The following ANKS1B variants were observed in gnomAD, a reference collection of about 807,000 sequenced individuals.
ANKS1B encodes the protein ankyrin repeat and sterile alpha motif domain-containing protein 1B.
ANKS1B carries 36 observed loss-of-function variants against 148.3 expected under a neutral mutation model. That is an observed-to-expected ratio of 0.24 (90% CI 0.19 to 0.32). The LOEUF is 0.32. Ranked by LOEUF, ANKS1B falls within the 10% of genes least tolerant of loss-of-function variation. ANKS1B has a pLI of 1.00. For missense variants in ANKS1B, 1,157 were observed against 1,542.6 expected (o/e 0.75, Z 4.19); for synonymous variants, 542 against 560.8 (o/e 0.97, Z 0.47).
At chr12:98,947,650 C>T (rs1424102475) in intron 17 of ANKS1B, among the ~76,000 whole-genome samples, 1 of 152,202 alleles carries the variant, frequency 6.6e-6, no homozygotes, top group African/African-American at 2.4e-5. Context: ...TCACATCCCC[C>T]TACTTAAAAT....
intron 1 of ANKS1B, among the ~76,000 whole-genome samples, chr12:99,913,377 A>T (rs1221909745): frequency 1.3e-5 from 2 of 152,202 alleles, no homozygotes; most frequent in African/African-American, 4.8e-5. Context: ...TTACATCAGC[A>T]TTTCACTAGT....
intron 1 of ANKS1B, among the ~76,000 whole-genome samples, chr12:99,934,363 T>A (rs2094703141): frequency 6.6e-6 from 1 of 152,120 alleles, no homozygotes; most frequent in Non-Finnish European, 1.5e-5. Context: ...TTTCTTTAAA[T>A]GTTTGGTAAA....
intron 2 of ANKS1B, among the ~76,000 whole-genome samples, chr12:99,817,830 G>A (rs528603928): frequency 2.6e-5 from 4 of 151,748 alleles, no homozygotes; most frequent in Admixed American, 6.6e-5. Flanking sequence ...GTCTATAATC[G>A]TTTGCCCATT....
chr12:98,909,539 T>A (rs1193605493), intron 17 of ANKS1B, among the ~76,000 whole-genome samples: 1 of 152,204 alleles, frequency 6.6e-6, no homozygotes, highest in East Asian at 1.9e-4. Context: ...AACCAGGCAT[T>A]ATCCACATAT....
intron 17 of ANKS1B, among the ~76,000 whole-genome samples, chr12:99,004,866 T>C (rs11835558): frequency 0.056 from 8,544 of 152,058 alleles, 741 homozygotes; most frequent in African/African-American, 0.18. Flanking sequence ...TCCTTAAAAC[T>C]GAAGAGATAG....
intron 17 of ANKS1B, among the ~76,000 whole-genome samples, chr12:99,046,575 G>T (rs1339979949): frequency 6.6e-6 from 1 of 151,974 alleles, no homozygotes; most frequent in Admixed American, 6.6e-5. Flanking sequence ...CGAGGCAGGC[G>T]GATCACAAGG....
intron 9 of ANKS1B, among the ~76,000 whole-genome samples, chr12:99,588,244 G>A (rs1176366482): frequency 6.6e-6 from 1 of 151,990 alleles, no homozygotes; most frequent in African/African-American, 2.4e-5. Flanking sequence ...AAACTGTCTG[G>A]TTATTCAATA....
At chr12:99,186,326 A>G (rs951659325) in intron 14 of ANKS1B, among the ~76,000 whole-genome samples, 12 of 152,096 alleles carry the variant, frequency 7.9e-5, no homozygotes, top group Non-Finnish European at 1.5e-4. Flanking sequence ...GCAGACATAA[A>G]TGTTCCTGCC....
At chr12:99,902,424 T>C (rs1051460161) in intron 1 of ANKS1B, among the ~76,000 whole-genome samples, 1 of 152,172 alleles carries the variant, frequency 6.6e-6, no homozygotes. Context: ...CTTGCAGGTA[T>C]GGGAAGAAAT....
At chr12:99,677,907 C>T (rs1273391410) in intron 8 of ANKS1B, among the ~76,000 whole-genome samples, 2 of 152,194 alleles carry the variant, frequency 1.3e-5, no homozygotes, top group African/African-American at 2.4e-5. Flanking sequence ...TGGGAGGTGG[C>T]GGTTGCAGTG....
At chr12:99,939,423 G>A (rs2094862466) in intron 1 of ANKS1B, among the ~76,000 whole-genome samples, 1 of 151,904 alleles carries the variant, frequency 6.6e-6, no homozygotes, top group East Asian at 1.9e-4. Flanking sequence ...AGAGACAGGG[G>A]TCTCACTATG....
At chr12:99,876,935 C>T (rs1484480220) in intron 1 of ANKS1B, among the ~76,000 whole-genome samples, 1 of 152,124 alleles carries the variant, frequency 6.6e-6, no homozygotes, top group African/African-American at 2.4e-5. Context: ...CTGCTGGTTA[C>T]ACTACCATCA....
intron 20 of ANKS1B, among the ~76,000 whole-genome samples, chr12:98,806,371 ACTG>A (rs1362703607): frequency 2.0e-5 from 3 of 152,130 alleles, no homozygotes; most frequent in African/African-American, 7.2e-5. Flanking sequence ...TTCTATGAGG[ACTG>A]CTCCCACCTA....
In ANKS1B at chr12:99,908,684, C is replaced by T. The variant is rs140136471; in HGVS notation, c.134+75420G>A. 3.7e-3 allele frequency among the ~76,000 whole-genome samples: 568 copies of T among 152,290 alleles called. 1 individual carries two copies. The highest frequency in any genetic ancestry group is 0.013 in the African/African-American group (530 of 41,546). ...TCAATCTCTCATCCACTGCAGGAAT[C>T]TCCTAGTTTCCCTAATATACAACTT... is the stretch of plus-strand genomic sequence containing the variant. On this transcript the variant is annotated intron_variant, in intron 1 of 26. Transcript: ENST00000683438.
At chr12:99,442,850 T>C (rs1280071795) in intron 11 of ANKS1B, among the ~76,000 whole-genome samples, 4 of 152,098 alleles carry the variant, frequency 2.6e-5, no homozygotes, top group African/African-American at 9.6e-5. Flanking sequence ...TATATCTAAG[T>C]AGATGATGAA....
chr12:99,060,069 T>C (rs1023219981), intron 16 of ANKS1B, among the ~76,000 whole-genome samples: 1 of 152,094 alleles, frequency 6.6e-6, no homozygotes, highest in Admixed American at 6.6e-5. Flanking sequence ...AGGCATTCAT[T>C]ACAGAGGCTC....
intron 1 of ANKS1B, among the ~76,000 whole-genome samples, chr12:99,837,171 G>T (rs543470232): frequency 2.6e-4 from 40 of 152,248 alleles, no homozygotes; most frequent in African/African-American, 7.7e-4. Context: ...AGATGGAAGA[G>T]GGTCATGAAC....
intron 12 of ANKS1B, among the ~76,000 whole-genome samples, chr12:99,342,635 G>C (rs993627832): frequency 1.3e-5 from 2 of 152,116 alleles, no homozygotes; most frequent in East Asian, 3.9e-4. Flanking sequence ...CGAGGCCAGA[G>C]TGGTAAACTC....
chr12:99,465,774 A>G (rs1310113262), intron 10 of ANKS1B, among the ~76,000 whole-genome samples: 2 of 152,202 alleles, frequency 1.3e-5, no homozygotes, highest in East Asian at 1.9e-4. Context: ...CCAATACAGG[A>G]GCACCCAGAT....
Sources: allele counts gnomAD v4.1 joint callset (sites outside exome capture counted in the v4.1 genomes callset), GRCh38; gene constraint gnomAD v4.1.1; transcripts MANE v1.5; gene names NCBI Gene and HGNC (gene_info 2026-07-23, HGNC 2026-07-21).